The following RPS6KC1 variants were observed in gnomAD, a reference collection of about 807,000 sequenced individuals.
RPS6KC1 encodes ribosomal protein S6 kinase C1, also known as inactive ribosomal protein S6 kinase delta-1.
RPS6KC1 carries 54 observed loss-of-function variants against 103.8 expected under a neutral mutation model. That is an observed-to-expected ratio of 0.52 (90% confidence interval 0.42 to 0.65). The LOEUF is 0.65. Ranked by LOEUF, RPS6KC1 falls within the 30% of genes least tolerant of loss-of-function variation. The probability of loss-of-function intolerance (pLI) is 0.00; values close to 1 mark genes in which losing one functional copy is unlikely to be tolerated. For missense variants in RPS6KC1, 1,151 were observed against 1,253.8 expected (o/e 0.92, Z 1.24); for synonymous variants, 439 against 438.7 (o/e 1.00, Z -0.01).
At chr1:213,643,607 A>G in the RPS6KC1 span, among the ~76,000 whole-genome samples, 1 of 151,874 alleles carries the variant, frequency 6.6e-6, no homozygotes, top group African/African-American at 2.4e-5. Context: ...TATTTCTTTT[A>G]GTATTCCCCT....
chr1:213,854,508 TTC>T, the RPS6KC1 span, among the ~76,000 whole-genome samples: 539 of 134,034 alleles, frequency 4.0e-3, 4 homozygotes, highest in Admixed American at 0.028. Context: ...ATCTCTTTCT[TTC>T]TCTTTCTTTC....
At chr1:213,503,291 A>G in the RPS6KC1 span, among the ~76,000 whole-genome samples, 7 of 152,174 alleles carry the variant, frequency 4.6e-5, no homozygotes, top group African/African-American at 1.2e-4. Flanking sequence ...TGAAAAATAT[A>G]CTTAACCTAG....
At chr1:213,204,223 A>T (rs960888386) in intron 8 of RPS6KC1, among the ~76,000 whole-genome samples, 1 of 152,172 alleles carries the variant, frequency 6.6e-6, no homozygotes, top group Non-Finnish European at 1.5e-5. Flanking sequence ...CATTCAGTAA[A>T]TATGTGTTGA....
In RPS6KC1 at chr1:213,274,029, C is replaced by G. The variant is rs962716434; in HGVS notation, c.*1395C>G. On this transcript the variant is annotated 3_prime_UTR_variant, in exon 15 of 15. Transcript: ENST00000366960. The stretch of plus-strand genomic sequence containing the variant: ...GGTCCTCTCATCAAATTAAATGGAA[C>G]AGAAAATGCTCTAGTGAAACAAAGG... 1 of 152,182 alleles carries G rather than the reference C, an allele frequency of 6.6e-6. No homozygotes were observed. Among genetic ancestry groups the G allele is most frequent in the African/African-American group, 2.4e-5 (1 of 41,432 alleles). 9.4% of individuals were successfully genotyped at this position (152,182 alleles called of 1,614,324 possible).
the RPS6KC1 span, among the ~76,000 whole-genome samples, chr1:213,545,936 A>G: frequency 6.6e-6 from 1 of 152,122 alleles, no homozygotes; most frequent in Non-Finnish European, 1.5e-5. Flanking sequence ...GATCCCAGTG[A>G]ACCCTTCTTT....
the RPS6KC1 span, among the ~76,000 whole-genome samples, chr1:213,742,283 T>C: frequency 6.6e-6 from 1 of 152,228 alleles, no homozygotes; most frequent in Admixed American, 6.5e-5. Context: ...CCACAGATAA[T>C]TTTGCTGTTC....
At position 213,137,799 on chromosome 1, in the gene RPS6KC1, A is replaced by ATT. The variant is rs869154560; in HGVS notation, c.835+7936_835+7937dup. ...TCTCTATATATATATATATATATAT[A>ATT]TTTTTTTTTTTTTTTTTTTTTTTTT... On this transcript the variant is annotated intron_variant, in intron 6 of 14. Coordinates refer to ENST00000366960, the MANE Select transcript of RPS6KC1 (RefSeq NM_012424.6). Among the ~76,000 whole-genome samples the ATT allele has an allele frequency of 1.3e-3, 18 of 13,996 alleles. 2 individuals carry two copies. The highest frequency in any genetic ancestry group is 1.8e-3 in the Non-Finnish European group (11 of 6,268). The allele number at this position is 13,996 out of a possible 152,430, so 9.2% of individuals were successfully genotyped here.
chr1:213,592,846 A>T, the RPS6KC1 span, among the ~76,000 whole-genome samples: 1 of 152,212 alleles, frequency 6.6e-6, no homozygotes, highest in Non-Finnish European at 1.5e-5. Context: ...AAGCCAATCG[A>T]TTAATGAACA....
chr1:213,488,519 A>G, the RPS6KC1 span, among the ~76,000 whole-genome samples: 1 of 152,214 alleles, frequency 6.6e-6, no homozygotes, highest in Non-Finnish European at 1.5e-5. Context: ...CTTCATGCCC[A>G]GCAGATTTTG....
At chr1:213,208,743 C>T (rs571086491) in intron 8 of RPS6KC1, among the ~76,000 whole-genome samples, 7 of 151,996 alleles carry the variant, frequency 4.6e-5, no homozygotes, top group Admixed American at 1.3e-4. Flanking sequence ...TTCAGTACCA[C>T]TCTTCAGTCC....
the RPS6KC1 span, among the ~76,000 whole-genome samples, chr1:213,503,304 A>G: frequency 1.3e-5 from 2 of 152,154 alleles, no homozygotes; most frequent in Non-Finnish European, 2.9e-5. Context: ...TAACCTAGTC[A>G]GTCTTTTCAC....
the RPS6KC1 span, among the ~76,000 whole-genome samples, chr1:213,396,054 G>A: frequency 5.0e-3 from 769 of 152,302 alleles, 3 homozygotes; most frequent in Middle Eastern, 0.01. Flanking sequence ...GGTGAAATCC[G>A]AAGAGTCAGG....
At chr1:213,217,356 G>A (rs1161446424) in intron 8 of RPS6KC1, among the ~76,000 whole-genome samples, 3 of 152,100 alleles carry the variant, frequency 2.0e-5, no homozygotes, top group Non-Finnish European at 4.4e-5. Context: ...CCAATAACAG[G>A]CTCTGAAATT....
chr1:213,484,536 G>A, the RPS6KC1 span, among the ~76,000 whole-genome samples: 1 of 152,210 alleles, frequency 6.6e-6, no homozygotes. Context: ...CACCCCTGAT[G>A]TAAATCACTG....
chr1:213,101,797 T>C (rs181780044), intron 3 of RPS6KC1, among the ~76,000 whole-genome samples: 23 of 152,308 alleles, frequency 1.5e-4, no homozygotes, highest in Admixed American at 1.5e-3. Context: ...TACTTTTTTC[T>C]TTAAGCGATA....
At chr1:213,276,888 C>A (rs141732575), downstream of RPS6KC1, among the ~76,000 whole-genome samples, 186 of 152,238 alleles carry the variant, frequency 1.2e-3, no homozygotes, top group South Asian at 2.9e-3. Flanking sequence ...TTTCCTAGAC[C>A]TTTCTCAGTA....
chr1:213,681,136 G>C, the RPS6KC1 span, among the ~76,000 whole-genome samples: 3 of 152,126 alleles, frequency 2.0e-5, no homozygotes, highest in Admixed American at 6.5e-5. Context: ...GTAGCATGGT[G>C]CTAATGAGGC....
chr1:213,378,030 C>A, the RPS6KC1 span, among the ~76,000 whole-genome samples: 1 of 152,176 alleles, frequency 6.6e-6, no homozygotes, highest in East Asian at 1.9e-4. Flanking sequence ...CTTGAGAGAC[C>A]TATTTCCCCA....
chr1:213,818,364 A>T, the RPS6KC1 span: 1 of 152,580 alleles, frequency 6.6e-6, no homozygotes, highest in Non-Finnish European at 1.5e-5. Context: ...AAGGAAATTA[A>T]AAGTGCTACT....
Sources: allele counts gnomAD v4.1 joint callset (sites outside exome capture counted in the v4.1 genomes callset), GRCh38; gene constraint gnomAD v4.1.1; transcripts MANE v1.5; gene names NCBI Gene and HGNC (gene_info 2026-07-23, HGNC 2026-07-21).